The following SP7 variants were observed in gnomAD, a reference collection of about 807,000 sequenced individuals.
SP7 encodes transcription factor Sp7.
Under a neutral mutation model 27.9 loss-of-function variants are expected in SP7, and 13 were observed. The ratio of observed to expected loss-of-function variants is 0.47; its 90% confidence interval spans 0.30 to 0.74. The LOEUF (loss-of-function observed/expected upper bound fraction) is 0.74. Among genes scored for constraint, SP7 ranks in the 30% least tolerant of loss-of-function variants. The pLI is 0.06. For missense variants in SP7, 525 were observed against 558.0 expected, an observed-to-expected ratio of 0.94 and a Z score of 0.60; for synonymous variants, 219 against 226.7, an observed-to-expected ratio of 0.97 and a Z score of 0.31.
At chr12:53,338,289 G>A (rs747560164), upstream of SP7, among the ~76,000 whole-genome samples, 2 of 152,136 alleles carry the variant, frequency 1.3e-5, no homozygotes, top group South Asian at 2.1e-4. Context: ...CCCCTTGTTG[G>A]GGGGGAGTCT....
At chr12:53,340,014 G>T (rs1944808620), upstream of SP7, among the ~76,000 whole-genome samples, 1 of 152,110 alleles carries the variant, frequency 6.6e-6, no homozygotes, top group African/African-American at 2.4e-5. Flanking sequence ...ATTCAGATCT[G>T]CATACTTGCA....
intron 2 of SP7, among the ~76,000 whole-genome samples, chr12:53,331,345 G>A (rs1472546698): frequency 4.6e-5 from 7 of 151,728 alleles, no homozygotes; most frequent in Non-Finnish European, 1.0e-4. Context: ...GGTGGCAGGC[G>A]CCTGTAATCC....
At chr12:53,335,131 A>G (rs1392703062) in intron 2 of SP7, among the ~76,000 whole-genome samples, 1 of 148,356 alleles carries the variant, frequency 6.7e-6, no homozygotes, top group Admixed American at 6.7e-5. Flanking sequence ...CCCCCTCCCC[A>G]CAAAACCAGG....
At chr12:53,332,876 G>A (rs530658263) in intron 2 of SP7, among the ~76,000 whole-genome samples, 24 of 151,936 alleles carry the variant, frequency 1.6e-4, no homozygotes, top group Non-Finnish European at 2.5e-4. Context: ...TGCCCAGCCC[G>A]GCTCCGATGG....
rs2136836289 is a variant in SP7, at chr12:53,329,235, T to G, written c.207A>C (p.Thr69=). 6.2e-7 allele frequency: 1 copy of G among 1,613,742 alleles called. No homozygotes were observed. The highest frequency in any genetic ancestry group is 1.1e-5 in the South Asian group (1 of 91,076). ...CAGGTGAAAGGAGCCCATTAGTGCTTGTAAAGGGGGCTGGATAAGCATCCC... is the reference window on the plus strand; with the variant it reads ...CAGGTGAAAGGAGCCCATTAGTGCTGGTAAAGGGGGCTGGATAAGCATCCC... ...TMGDAYPAPF[T]STNGLLSPAG... Residue 69 remains threonine, a synonymous_variant, in exon 3 of 3, where the codon ACA becomes ACC. Coordinates refer to ENST00000536324, the MANE Select transcript of SP7 (RefSeq NM_001173467.3).
At chr12:53,330,372 C>T (rs913702819) in intron 2 of SP7, among the ~76,000 whole-genome samples, 10 of 152,148 alleles carry the variant, frequency 6.6e-5, no homozygotes, top group Non-Finnish European at 1.3e-4. Context: ...TTTTTAGAGA[C>T]AGGGTCTCAC....
chr12:53,328,819 G>C lies in SP7; in HGVS notation c.623C>G (p.Ala208Gly). 2 of 1,597,936 alleles carry C rather than the reference G, an allele frequency of 1.3e-6. No homozygotes were observed. The highest frequency in any genetic ancestry group is 1.7e-6 in the Non-Finnish European group (2 of 1,169,162). Residue 208 changes from alanine (A) to glycine (G), a missense_variant, in exon 3 of 3, where the codon GCC becomes GGC. Ala to Gly is a moderately conservative substitution (Grantham distance 60). Transcript: ENST00000536324. This position sits in a 1 kb window ranked among gnomAD's most constrained non-coding sequence, Gnocchi z 5.1. ...CAAGAGGTGGGGAGCTGGGTAGGGG[G>C]CTGGATTAAGGGGAGCAAAGTCAGA... ...YPSDFAPLNP[A>G]PYPAPHLLQP...
In SP7 at chr12:53,329,328, A is replaced by G. The variant is rs956179608; in HGVS notation, c.114T>C (p.Thr38=). The G allele has an allele frequency of 1.1e-5, 17 of 1,613,848 alleles. No individual in the cohort carries two copies. Among genetic ancestry groups the G allele is most frequent in the Non-Finnish European group, 1.4e-5 (16 of 1,179,894 alleles). The change falls in exon 3 of 3, where the codon ACT becomes ACC. Residue 38 remains threonine (T), a synonymous_variant. Transcript: ENST00000536324. ...GGSSPLRDST[T]LGKAGTKKPY... ...GCTTCTTTGTGCCTGCTTTGCCCAG[A>G]GTTGTTGAGTCCCGCAGAGGGCTAG...
intron 2 of SP7, among the ~76,000 whole-genome samples, chr12:53,332,908 T>C (rs1944722484): frequency 6.6e-6 from 1 of 152,080 alleles, no homozygotes; most frequent in Admixed American, 6.5e-5. Context: ...TCGGTTTATT[T>C]TTAAAAACGC....
chr12:53,342,830 AAATAAAT>A (rs1261285044), intron 1 of SP7, among the ~76,000 whole-genome samples: 4 of 151,330 alleles, frequency 2.6e-5, no homozygotes, highest in Admixed American at 6.6e-5. Flanking sequence ...ATAAATAAAT[AAATAAAT>A]AATAAATAAT....
chr12:53,338,067 G>A (rs1285115155), upstream of SP7, among the ~76,000 whole-genome samples: 2 of 150,354 alleles, frequency 1.3e-5, no homozygotes, highest in Non-Finnish European at 3.0e-5. Flanking sequence ...ACAATGGCTT[G>A]GGAAGGACAG....
At chr12:53,342,889 G>A (rs1347518472) in intron 1 of SP7, among the ~76,000 whole-genome samples, 1 of 151,178 alleles carries the variant, frequency 6.6e-6, no homozygotes, top group African/African-American at 2.4e-5. Context: ...GATGTTATAG[G>A]AGACAAAAGA....
Position 53,344,151 on chromosome 12 carries a change from A to G in SP7, c.-34+963T>C, listed in dbSNP as rs888614623. On this transcript the variant is annotated intron_variant, in intron 1 of 1. Coordinates refer to the SP7 transcript ENST00000547755. This position sits in a 1 kb window ranked among gnomAD's most constrained non-coding sequence, Gnocchi z 4.6. ...TCAGATGTGAGGGGTGAGTAGTCAC[A>G]CATGACTTCCCTTGATCTGTGTGTT... Among the ~76,000 whole-genome samples, 1 of 152,192 alleles carries G rather than the reference A, an allele frequency of 6.6e-6. No homozygotes were observed. The highest frequency in any genetic ancestry group is 1.5e-5 in the Non-Finnish European group (1 of 68,012).
At chr12:53,334,208 A>G (rs1330150231) in intron 2 of SP7, among the ~76,000 whole-genome samples, 5 of 152,138 alleles carry the variant, frequency 3.3e-5, no homozygotes, top group Non-Finnish European at 7.3e-5. Flanking sequence ...GTGACAAGGG[A>G]CGTGGTGTCC....
intron 2 of SP7, among the ~76,000 whole-genome samples, chr12:53,334,664 A>G (rs1944746562): frequency 6.6e-6 from 1 of 152,226 alleles, no homozygotes; most frequent in East Asian, 1.9e-4. Context: ...CAGGACAGAG[A>G]TGGTGACAGA....
chr12:53,338,106 C>T (rs1026413475), upstream of SP7, among the ~76,000 whole-genome samples: 3 of 136,226 alleles, frequency 2.2e-5, no homozygotes, highest in African/African-American at 8.2e-5. Context: ...TAGCCAGGTC[C>T]GGAGGAGGAG....
At chr12:53,342,844 T>C (rs967466049) in intron 1 of SP7, among the ~76,000 whole-genome samples, 1 of 149,636 alleles carries the variant, frequency 6.7e-6, no homozygotes, top group African/African-American at 2.5e-5. Context: ...AAATAATAAA[T>C]AATAAAAATA....
chr12:53,329,537 A>T (rs1203961577), intron 2 of SP7, 117 bp from the exon 3 acceptor site: 3 of 858,948 alleles, frequency 3.5e-6, no homozygotes, highest in Non-Finnish European at 5.4e-6. Context: ...GTCAGGGAAG[A>T]GTTGAAGAGG....
intron 2 of SP7, among the ~76,000 whole-genome samples, chr12:53,334,455 C>T (rs1415779688): frequency 6.6e-6 from 1 of 152,174 alleles, no homozygotes; most frequent in African/African-American, 2.4e-5. Flanking sequence ...AAGACTCCTG[C>T]CCCATCTCAC....
Sources: gnomAD v4.1 joint callset for allele counts (sites outside exome capture counted in the v4.1 genomes callset) on GRCh38, gnomAD v4.1.1 for gene constraint, Gnocchi (gnomAD v3.1) non-coding constraint, MANE v1.5 for transcripts, NCBI Gene and HGNC (gene_info 2026-07-23, HGNC 2026-07-21) for gene names.